The following DKK3 variants were observed in gnomAD, a reference collection of about 807,000 sequenced individuals.
DKK3 encodes the protein dickkopf-related protein 3.
In DKK3, 22 loss-of-function variants were observed where a neutral mutation model predicts 33.2. The ratio of observed to expected loss-of-function variants is 0.66; its 90% CI spans 0.47 to 0.95. The LOEUF (loss-of-function observed/expected upper bound fraction) is 0.95, where lower values mean the gene tolerates loss of function less well. Among genes scored for constraint, DKK3 ranks in the 40% least tolerant of loss-of-function variants. DKK3 has a pLI of 0.00. For missense variants in DKK3, 398 were observed against 458.4 expected (o/e 0.87, Z 1.20); for synonymous variants, 194 against 188.8 (o/e 1.03, Z -0.23).
chr11:12,007,165 G>C (rs962443), intron 1 of DKK3, among the ~76,000 whole-genome samples: 5 of 152,128 alleles, frequency 3.3e-5, no homozygotes, highest in Non-Finnish European at 5.9e-5. Context: ...TGGAGTGGGA[G>C]GGGAAATAGC....
chr11:12,009,495 T>C, upstream of DKK3: 1 of 929,130 alleles, frequency 1.1e-6, no homozygotes, highest in Non-Finnish European at 1.3e-6. Flanking sequence ...CTCTTCTGCC[T>C]CAGCGACCAG....
chr11:11,982,361 T>A (rs1290626977), intron 3 of DKK3, among the ~76,000 whole-genome samples: 4 of 152,102 alleles, frequency 2.6e-5, no homozygotes, highest in Admixed American at 6.5e-5. Flanking sequence ...GGCAGAAACA[T>A]GTCCCACCAG....
In DKK3 at chr11:11,965,848, C is replaced by T. The variant is rs768247684; in HGVS notation, c.791G>A (p.Arg264Gln). The change falls in exon 6 of 7, where the codon CGA becomes CAA. Residue 264 changes from arginine to glutamine, a missense_variant. Coordinates refer to ENST00000683431, the MANE Select transcript of DKK3 (RefSeq NM_001018057.2). ...WELEPDGALD[R>Q]CPCASGLLCQ... ...GAGGAGGCCACTGGCACAAGGGCAT[C>T]GGTCCAAGGCTCCATCAGGCTCTAG... 9 of 1,614,028 alleles carry T rather than the reference C, an allele frequency of 5.6e-6. No individual in the cohort carries two copies. Among genetic ancestry groups the T allele is most frequent in the Middle Eastern group, 1.6e-4 (1 of 6,084 alleles).
At chr11:11,998,949 G>A (rs543106727) in intron 2 of DKK3, among the ~76,000 whole-genome samples, 170 bp from the exon 3 acceptor site, 1 of 152,198 alleles carries the variant, frequency 6.6e-6, no homozygotes, top group East Asian at 1.9e-4. Flanking sequence ...TGAGATGGAC[G>A]GCTTCCCCTG....
chr11:11,964,803 G>A, intron 6 of DKK3, 117 bp from the exon 7 acceptor site: 3 of 1,509,274 alleles, frequency 2.0e-6, no homozygotes, highest in South Asian at 1.2e-5. Context: ...CTCCTCTCCT[G>A]TCTCTTCAAC....
intron 3 of DKK3, among the ~76,000 whole-genome samples, chr11:11,982,894 C>G (rs1380976546): frequency 6.6e-6 from 1 of 152,160 alleles, no homozygotes; most frequent in African/African-American, 2.4e-5. Flanking sequence ...TTACCTGCAC[C>G]CAGATAAGCC....
intron 3 of DKK3, among the ~76,000 whole-genome samples, chr11:11,977,660 G>A (rs947313732): frequency 1.3e-5 from 2 of 152,144 alleles, no homozygotes; most frequent in Non-Finnish European, 1.5e-5. Flanking sequence ...TGTGTGGGTG[G>A]AGCCACTGAG....
At chr11:12,003,366 C>T (rs1474662537) in intron 1 of DKK3, among the ~76,000 whole-genome samples, 1 of 152,150 alleles carries the variant, frequency 6.6e-6, no homozygotes, top group Admixed American at 6.5e-5. Context: ...TTAACCAGTT[C>T]CCGGGGTCCA....
chr11:11,974,139 G>A (rs1847782883), intron 3 of DKK3, among the ~76,000 whole-genome samples: 1 of 152,228 alleles, frequency 6.6e-6, no homozygotes, highest in Non-Finnish European at 1.5e-5. Flanking sequence ...CAAGAAGTGA[G>A]GGTCAACTGC....
At chr11:11,994,085 G>C (rs939722500) in intron 3 of DKK3, among the ~76,000 whole-genome samples, 3 of 152,196 alleles carry the variant, frequency 2.0e-5, no homozygotes, top group African/African-American at 7.2e-5. Flanking sequence ...GGCTGCTGCA[G>C]AATGAAAGCA....
At chr11:11,995,792 G>A (rs1007567612) in intron 3 of DKK3, among the ~76,000 whole-genome samples, 3 of 152,240 alleles carry the variant, frequency 2.0e-5, no homozygotes, top group African/African-American at 7.2e-5. Flanking sequence ...CAGCACAAAA[G>A]CCTCACAACA....
intron 3 of DKK3, among the ~76,000 whole-genome samples, chr11:11,992,406 T>G (rs1848206265): frequency 2.6e-5 from 4 of 152,202 alleles, no homozygotes. Flanking sequence ...CCCTCTGAAG[T>G]GCTGCTTCTA....
intron 3 of DKK3, among the ~76,000 whole-genome samples, chr11:11,989,047 G>C (rs1848132851): frequency 6.6e-6 from 1 of 152,148 alleles, no homozygotes; most frequent in Admixed American, 6.5e-5. Context: ...AGTGCCTACA[G>C]TCATGAAGAC....
intron 3 of DKK3, among the ~76,000 whole-genome samples, chr11:11,970,723 G>A (rs928750501): frequency 6.6e-6 from 1 of 152,202 alleles, no homozygotes; most frequent in Non-Finnish European, 1.5e-5. Flanking sequence ...TATCATGCCA[G>A]GTGTCACAGA....
intron 2 of DKK3, among the ~76,000 whole-genome samples, chr11:11,999,667 A>G (rs1192287765): frequency 1.3e-5 from 2 of 152,194 alleles, no homozygotes; most frequent in Non-Finnish European, 2.9e-5. Context: ...AAGAAAGAAA[A>G]GAAAAGATGC....
chr11:11,976,602 C>T (rs1028235036), intron 3 of DKK3, among the ~76,000 whole-genome samples: 1 of 152,168 alleles, frequency 6.6e-6, no homozygotes, highest in Admixed American at 6.5e-5. Flanking sequence ...TGGGTCGGGG[C>T]CCCAGCCAGG....
chr11:12,009,390 G>GCCCA (rs1304414541), upstream of DKK3: 7 of 760,426 alleles, frequency 9.2e-6, no homozygotes, highest in African/African-American at 4.3e-4. Flanking sequence ...AGCCCCGCCC[G>GCCCA]CCCACCAGGC....
intron 6 of DKK3, 132 bp from the exon 7 acceptor site, chr11:11,964,818 A>G (rs1054771773): frequency 4.1e-6 from 6 of 1,475,098 alleles, no homozygotes; most frequent in Admixed American, 2.2e-5. Flanking sequence ...TTCAACAGAG[A>G]CACTTCACTT....
At chr11:11,988,113 A>G (rs1848109467) in intron 3 of DKK3, among the ~76,000 whole-genome samples, 1 of 152,258 alleles carries the variant, frequency 6.6e-6, no homozygotes, top group Admixed American at 6.5e-5. Context: ...TTCAACTTGC[A>G]GCAGTTTGGA....
Sources: allele counts gnomAD v4.1 joint callset (sites outside exome capture counted in the v4.1 genomes callset), GRCh38; gene constraint gnomAD v4.1.1; transcripts MANE v1.5; gene names NCBI Gene and HGNC (gene_info 2026-07-23, HGNC 2026-07-21).